Variants in NKAPD1 observed in about 807,000 individuals in gnomAD.
NKAPD1 encodes NKAP domain containing 1, also known as uncharacterized protein NKAPD1.
In NKAPD1, 12 loss-of-function variants were observed where a neutral mutation model predicts 30.9. The observed-to-expected ratio is 0.39, with a 90% CI of 0.25 to 0.63. The LOEUF is 0.63. Among genes scored for constraint, NKAPD1 ranks in the 20% least tolerant of loss-of-function variants. NKAPD1 has a pLI of 0.51. For synonymous variants in NKAPD1, 91 were observed against 113.6 expected (o/e 0.80, Z 1.26); for missense variants, 311 against 344.5 (o/e 0.90, Z 0.77).
chr11:112,075,489 G>A, intron 1 of NKAPD1, 78 bp from the exon 2 acceptor site: 2 of 1,075,134 alleles, frequency 1.9e-6, no homozygotes, highest in Non-Finnish European at 2.8e-6. Flanking sequence ...TACCTCATAT[G>A]CTTCTTTATA....
chr11:112,078,902 T>C (rs1269420204), intron 3 of NKAPD1, among the ~76,000 whole-genome samples: 1 of 152,164 alleles, frequency 6.6e-6, no homozygotes, highest in Non-Finnish European at 1.5e-5. Context: ...CAACAGCCTT[T>C]TCACATTACC....
intron 4 of NKAPD1, 109 bp downstream of exon 4, chr11:112,080,667 T>C (rs1263624640): frequency 3.9e-6 from 5 of 1,279,784 alleles, no homozygotes; most frequent in Non-Finnish European, 5.4e-6. Context: ...ACCAGCATTA[T>C]TAATAATGGC....
chr11:112,077,128 T>C (rs939155345), intron 2 of NKAPD1, among the ~76,000 whole-genome samples: 1 of 152,288 alleles, frequency 6.6e-6, no homozygotes, highest in Non-Finnish European at 1.5e-5. Flanking sequence ...GTACTACTTT[T>C]GGTTTGATCA....
chr11:112,079,756 C>A (rs1361638292), intron 3 of NKAPD1, among the ~76,000 whole-genome samples: 1 of 152,074 alleles, frequency 6.6e-6, no homozygotes, highest in African/African-American at 2.4e-5. Context: ...GAGTTGATTT[C>A]ATCTCTCTAT....
Position 112,082,953 on chromosome 11 carries a change from A to G in NKAPD1, c.863A>G (p.Glu288Gly). The G allele has an allele frequency of 6.3e-7, 1 of 1,598,834 alleles. No homozygotes were observed. The highest frequency in any genetic ancestry group is 8.5e-7 in the Non-Finnish European group (1 of 1,176,052). ...GTAGCTACAGATGAAAGGTCTGCTG[A>G]GAGCTCAGAGGATGACTAAATGGGA... The part of the protein sequence containing the change: ...WKVATDERSA[E>G]SSEDD The change falls in exon 6 of 6, where the codon GAG (glutamate) becomes GGG (glycine). Residue 288 changes from glutamate (E) to glycine (G), a missense_variant. Glu to Gly is a moderately conservative substitution (Grantham distance 98). Transcript: ENST00000393047.
At chr11:112,082,105 C>A in intron 5 of NKAPD1, 70 bp downstream of exon 5, 1 of 1,325,400 alleles carries the variant, frequency 7.5e-7, no homozygotes, top group South Asian at 1.2e-5. Context: ...GATTTCTTAA[C>A]TTTTACGAAG....
chr11:112,076,308 G>A (rs1865330100), intron 2 of NKAPD1, among the ~76,000 whole-genome samples: 1 of 152,206 alleles, frequency 6.6e-6, no homozygotes, highest in Admixed American at 6.5e-5. Context: ...GGCAATTGCA[G>A]TATTACAGGT....
chr11:112,077,634 C>T (rs768058862), intron 2 of NKAPD1, among the ~76,000 whole-genome samples: 2 of 152,086 alleles, frequency 1.3e-5, no homozygotes, highest in Admixed American at 6.6e-5. Context: ...ATTTGCTAAT[C>T]GCAGCATAAT....
rs1285644399 is a variant in NKAPD1 at position 112,082,822 on chromosome 11, A to G, written c.732A>G (p.Glu244=). 1 of 1,613,848 alleles carries G rather than the reference A, an allele frequency of 6.2e-7. No homozygotes were observed. Among genetic ancestry groups the G allele is most frequent in the African/African-American group, 1.3e-5 (1 of 74,852 alleles). ...SASSSSEESE[E]RDTKKTKRKK... ...CCAGCAGTTCTGAGGAAAGTGAGGA[A>G]AGAGACACTAAGAAAACCAAAAGGA... Residue 244 remains glutamate (E), a synonymous_variant, in exon 6 of 6, where the codon GAA becomes GAG. Transcript: ENST00000393047.
At position 112,083,683 on chromosome 11, in the gene NKAPD1, G is replaced by A. The variant is rs1865514201; in HGVS notation, c.*711G>A. ...TCCATTGCTGTATATTTGCCTAAAT[G>A]GACTTGTGTTCAAATTATTTCTTCA... On this transcript the variant is annotated 3_prime_UTR_variant, in exon 6 of 6. Transcript: ENST00000393047. 6.6e-6 allele frequency: 1 copy of A among 152,498 alleles called. No homozygotes were observed. Among genetic ancestry groups the A allele is most frequent in the Non-Finnish European group, 1.5e-5 (1 of 68,026 alleles). 9.4% of individuals were successfully genotyped at this position (152,498 alleles called of 1,614,324 possible). A position where few individuals can be genotyped will look rare whatever the true frequency, so the allele number is the denominator to read the frequency against.
chr11:112,080,418 C>T lies in NKAPD1; in HGVS notation c.180C>T (p.Arg60=). Residue 60 remains arginine, a synonymous_variant, in exon 4 of 6, where the codon CGC becomes CGT. Transcript: ENST00000393047. ...CTGCTTTCTCTTTTAGCCGGATGCG[C>T]AGTGATGGTTTTGATGAAGAAAGTC... ...KMLPSSSSRM[R]SDGFDEESQR... 6.2e-7 allele frequency: 1 copy of T among 1,613,762 alleles called. No individual in the cohort carries two copies. The highest frequency in any genetic ancestry group is 8.5e-7 in the Non-Finnish European group (1 of 1,179,988).
chr11:112,082,418 GC>G (rs759538114), intron 5 of NKAPD1, 46 bp from the exon 6 acceptor site: 1 of 1,381,232 alleles, frequency 7.2e-7, no homozygotes. Flanking sequence ...AAAATAATAC[GC>G]TTTTTTTTTA....
At position 112,074,319 on chromosome 11, in the gene NKAPD1, C is replaced by T. The variant is rs1337689739; in HGVS notation, c.-606C>T. 2.5e-6 allele frequency: 1 copy of T among 399,198 alleles called. No individual in the cohort carries two copies. The highest frequency in any genetic ancestry group is 4.4e-6 in the Non-Finnish European group (1 of 226,350). 24.7% of individuals were successfully genotyped at this position (399,198 alleles called of 1,614,324 possible). ...TCCTCCTTTTTCTCCCAAACCACTT[C>T]TTCCCCCCTACCCCCCGCCACGCGA... On this transcript the variant is annotated 5_prime_UTR_variant, in exon 1 of 6. Transcript: ENST00000393047.
At chr11:112,076,043 C>T (rs1183295929) in intron 2 of NKAPD1, among the ~76,000 whole-genome samples, 1 of 152,186 alleles carries the variant, frequency 6.6e-6, no homozygotes, top group African/African-American at 2.4e-5. Context: ...GAGCATTAAT[C>T]ACTTGGGGCA....
At chr11:112,075,340 CTT>C (rs1406966082) in intron 1 of NKAPD1, among the ~76,000 whole-genome samples, 2 of 152,160 alleles carry the variant, frequency 1.3e-5, no homozygotes, top group African/African-American at 4.8e-5. Flanking sequence ...TTTATGTAGT[CTT>C]GTGCATTTTC....
In NKAPD1 at chr11:112,083,195, GA is replaced by G; in HGVS notation, c.*224del. ...TTTTGTTATGAAGGTTTCTTGAAGA[GA>G]TTATTTTTTTTTGCAATTAATTACG... is the stretch of plus-strand genomic sequence containing the variant. On this transcript the variant is annotated 3_prime_UTR_variant, in exon 6 of 6. Coordinates refer to ENST00000393047, the MANE Select transcript of NKAPD1 (RefSeq NM_018195.4). 2.4e-6 allele frequency: 1 copy of G among 419,558 alleles called. No homozygotes were observed. The highest frequency in any genetic ancestry group is 4.1e-6 in the Non-Finnish European group (1 of 241,102). The allele number at this position is 419,558 out of a possible 1,614,324, so 26.0% of individuals were successfully genotyped here.
Position 112,085,014 on chromosome 11 carries a change from C to A in NKAPD1, c.*2042C>A. 1 of 264,236 alleles carries A rather than the reference C, an allele frequency of 3.8e-6. No homozygotes were observed. Among genetic ancestry groups the A allele is most frequent in the East Asian group, 6.9e-5 (1 of 14,520 alleles). 16.4% of individuals were successfully genotyped at this position (264,236 alleles called of 1,614,324 possible). A position where few individuals can be genotyped will look rare whatever the true frequency, so the allele number is the denominator to read the frequency against. ...CCATGGAACATTTATTTCTAGTGTT[C>A]CTGCCAATCAGAGATCTCTATATTA... On this transcript the variant is annotated 3_prime_UTR_variant, in exon 6 of 6. Coordinates refer to ENST00000393047, the MANE Select transcript of NKAPD1 (RefSeq NM_018195.4).
At position 112,084,169 on chromosome 11, in the gene NKAPD1, TGAG is replaced by T. The variant is rs1445767505; in HGVS notation, c.*1202_*1204del. 5 of 152,658 alleles carry T rather than the reference TGAG, an allele frequency of 3.3e-5. No individual in the cohort carries two copies. Among genetic ancestry groups the T allele is most frequent in the East Asian group, 1.9e-4 (1 of 5,196 alleles). The allele number at this position is 152,658 out of a possible 1,614,324, so 9.5% of individuals were successfully genotyped here. ...TCTTGGTTCTGCCACTCATTGGTTA[TGAG>T]GAGGCCCAGAGCAGGTAAGTTCACC... On this transcript the variant is annotated 3_prime_UTR_variant, in exon 6 of 6. Coordinates refer to ENST00000393047, the MANE Select transcript of NKAPD1 (RefSeq NM_018195.4).
rs1865500351 is a variant in NKAPD1, at chr11:112,083,210, CAATT to C, written c.*244_*247del. 2.5e-6 allele frequency: 1 copy of C among 397,142 alleles called. No homozygotes were observed. The allele number at this position is 397,142 out of a possible 1,614,324, so 24.6% of individuals were successfully genotyped here. A position where few individuals can be genotyped will look rare whatever the true frequency, so the allele number is the denominator to read the frequency against. On this transcript the variant is annotated 3_prime_UTR_variant, in exon 6 of 6. Transcript: ENST00000393047. ...TTCTTGAAGAGATTATTTTTTTTTGCAATTAATTACGTTTAGTGTAGAGTGCATA... is the reference window on the plus strand; with the variant it reads ...TTCTTGAAGAGATTATTTTTTTTTGCAATTACGTTTAGTGTAGAGTGCATA...
Sources: allele counts gnomAD v4.1 joint callset (sites outside exome capture counted in the v4.1 genomes callset), GRCh38; gene constraint gnomAD v4.1.1; transcripts MANE v1.5; gene names NCBI Gene and HGNC (gene_info 2026-07-23, HGNC 2026-07-21).